Variants in ZIM2 observed in about 807,000 individuals in gnomAD.
ZIM2 encodes the protein zinc finger imprinted 2, also known as zinc finger protein 656.
ZIM2 carries 14 observed loss-of-function variants against 38.6 expected under a neutral mutation model. That is an observed-to-expected ratio of 0.36 (90% CI 0.24 to 0.57). The LOEUF is 0.57. Among genes scored for constraint, ZIM2 ranks in the 20% least tolerant of loss-of-function variants. The pLI is 0.81. For missense variants in ZIM2, 680 were observed against 695.1 expected (o/e 0.98, Z 0.24); for synonymous variants, 247 against 245.8 (o/e 1.00, Z -0.04).
intron 9 of ZIM2, chr19:56,815,471 G>T: frequency 6.2e-7 from 1 of 1,614,086 alleles, no homozygotes; most frequent in Non-Finnish European, 8.5e-7. Flanking sequence ...TCCCTATCAT[G>T]AATCTTCTGG....
chr19:56,813,382 A>ACAGTTGATTTGGG, intron 9 of ZIM2: 1 of 1,187,658 alleles, frequency 8.4e-7, no homozygotes, highest in East Asian at 4.1e-5. Context: ...GATTTGGGCA[A>ACAGTTGATTTGGG]ACTCTGTAGT....
intron 9 of ZIM2, chr19:56,798,788 A>G (rs1409403384): frequency 6.6e-6 from 1 of 152,240 alleles, no homozygotes; most frequent in Non-Finnish European, 1.5e-5. Context: ...CGCCATTAAA[A>G]AATGGGCAAA....
intron 9 of ZIM2, among the ~76,000 whole-genome samples, chr19:56,808,687 CAACA>C (rs1482848837): frequency 6.6e-6 from 1 of 152,106 alleles, no homozygotes; most frequent in African/African-American, 2.4e-5. Context: ...TTCTGATCCC[CAACA>C]ATTAGTGTTT....
intron 9 of ZIM2, chr19:56,815,343 A>G: frequency 9.3e-6 from 15 of 1,614,214 alleles, no homozygotes; most frequent in Non-Finnish European, 1.3e-5. Context: ...TGAAGTCCTT[A>G]CATTTGTTCC....
rs780927097 is a variant in ZIM2 at position 56,814,962 on chromosome 19, C to G, written c.490+2784G>C. 4 of 1,614,094 alleles carry G rather than the reference C, an allele frequency of 2.5e-6. No homozygotes were observed. The highest frequency in any genetic ancestry group is 3.4e-6 in the Non-Finnish European group (4 of 1,179,952). ...CACACTTTGGACATTCATACAGCTG[C>G]TCTCCAGTGTAATCTCTCTGATACT... On this transcript the variant is annotated intron_variant, in intron 9 of 12. Coordinates refer to ENST00000629319, the MANE Select transcript of ZIM2 (RefSeq NM_001387356.1). The surrounding 1 kb of genome is among the most constrained non-coding windows in gnomAD (Gnocchi z 5.8).
intron 9 of ZIM2, among the ~76,000 whole-genome samples, chr19:56,792,030 T>TTC: frequency 6.6e-6 from 1 of 151,894 alleles, no homozygotes; most frequent in East Asian, 1.9e-4. Flanking sequence ...AGGAGTTTTT[T>TTC]TTTTTTTTTT....
Position 56,775,493 on chromosome 19 carries a change from C to T in ZIM2, c.872G>A (p.Gly291Asp). Residue 291 changes from glycine to aspartate, a missense_variant, in exon 13 of 13, where the codon GGC becomes GAC. Transcript: ENST00000629319. Reference sequence around the variant, plus strand: ...AGGAGTCAAAAGTTTCTCTTGGTTGCCCTGGTGTGGTTCCAATGGATCATC... The same window carrying T: ...AGGAGTCAAAAGTTTCTCTTGGTTGTCCTGGTGTGGTTCCAATGGATCATC... ...SHDDPLEPHQ[G>D]NQEKLLTPIT... 2 of 1,613,380 alleles carry T rather than the reference C, an allele frequency of 1.2e-6. No individual in the cohort carries two copies. Among genetic ancestry groups the T allele is most frequent in the Admixed American group, 3.3e-5 (2 of 59,882 alleles).
chr19:56,815,697 C>T (rs776369773), intron 9 of ZIM2: 93 of 1,614,082 alleles, frequency 5.8e-5, no homozygotes, highest in Non-Finnish European at 7.5e-5. Context: ...CCTTCTTAAA[C>T]TCACCAGATC....
intron 2 of ZIM2, chr19:56,833,469 G>C (rs2061774353): frequency 3.4e-6 from 1 of 296,342 alleles, no homozygotes; most frequent in Non-Finnish European, 6.6e-6. Context: ...GTAAGATGCT[G>C]TCCCAGCCCA....
chr19:56,796,215 T>C (rs2047218741), intron 9 of ZIM2, among the ~76,000 whole-genome samples: 2 of 152,210 alleles, frequency 1.3e-5, no homozygotes, highest in African/African-American at 4.8e-5. Context: ...TCATGTAAAA[T>C]GGCATAGTAT....
intron 10 of ZIM2, among the ~76,000 whole-genome samples, chr19:56,787,233 T>A (rs2046656290): frequency 6.6e-6 from 1 of 152,186 alleles, no homozygotes; most frequent in Non-Finnish European, 1.5e-5. Context: ...CATAGGGTTT[T>A]GTGAAGAACA....
At chr19:56,806,891 A>G (rs191289589) in intron 9 of ZIM2, among the ~76,000 whole-genome samples, 2 of 152,314 alleles carry the variant, frequency 1.3e-5, no homozygotes, top group Non-Finnish European at 1.5e-5. Flanking sequence ...CAGACTCCAT[A>G]TTTGCTGGCA....
chr19:56,801,475 G>T (rs1016705958), intron 9 of ZIM2, among the ~76,000 whole-genome samples: 1 of 152,082 alleles, frequency 6.6e-6, no homozygotes, highest in Non-Finnish European at 1.5e-5. Context: ...AAATAGAGAT[G>T]TTTGCTGTAC....
chr19:56,824,889 A>G, intron 3 of ZIM2: 1 of 499,950 alleles, frequency 2.0e-6, no homozygotes, highest in Non-Finnish European at 3.6e-6. Context: ...TGGCCTCAGC[A>G]CAGCAGTTAC....
chr19:56,837,882 C>T (rs1017496229), intron 1 of ZIM2, among the ~76,000 whole-genome samples: 3 of 152,192 alleles, frequency 2.0e-5, no homozygotes, highest in Non-Finnish European at 4.4e-5. Context: ...ACGCTCACTC[C>T]TACAGCGCAG....
intron 2 of ZIM2, among the ~76,000 whole-genome samples, chr19:56,826,721 C>T (rs1447413323): frequency 6.6e-6 from 1 of 152,106 alleles, no homozygotes; most frequent in Non-Finnish European, 1.5e-5. Flanking sequence ...AAACCACGAA[C>T]CAAAACTCAT....
Position 56,821,502 on chromosome 19 carries a change from G to A in ZIM2, c.294+149C>T. ...GCAACCTGGGCTACTTGTCACCTAA[G>A]GGATGGGCCCGGGCTCCTCCTGGAG... On this transcript the variant is annotated intron_variant, in intron 7 of 12. Transcript: ENST00000629319. 6 of 912,646 alleles carry A rather than the reference G, an allele frequency of 6.6e-6. No individual in the cohort carries two copies. The South Asian group carries it at 8.3e-5, about 13-fold the overall frequency. 56.5% of individuals were successfully genotyped at this position (912,646 alleles called of 1,614,324 possible).
At chr19:56,778,342 TC>T (rs781001275) in intron 12 of ZIM2, among the ~76,000 whole-genome samples, 1 of 152,052 alleles carries the variant, frequency 6.6e-6, no homozygotes, top group Non-Finnish European at 1.5e-5. Context: ...AGAGGAGTCT[TC>T]CTGGTAACTT....
intron 2 of ZIM2, among the ~76,000 whole-genome samples, chr19:56,829,022 A>G (rs1177226743): frequency 6.6e-6 from 1 of 152,192 alleles, no homozygotes; most frequent in Non-Finnish European, 1.5e-5. Flanking sequence ...AAATATAGCC[A>G]AGTAGATAAA....
Sources: gnomAD v4.1 joint callset for allele counts (sites outside exome capture counted in the v4.1 genomes callset) on GRCh38, gnomAD v4.1.1 for gene constraint, Gnocchi (gnomAD v3.1) non-coding constraint, MANE v1.5 for transcripts, NCBI Gene and HGNC (gene_info 2026-07-23, HGNC 2026-07-21) for gene names.